LRRC49: variants seen among roughly 807,000 people sequenced by gnomAD.
LRRC49 encodes the protein leucine rich repeat containing 49, also known as leucine-rich repeat-containing protein 49.
Under a neutral mutation model 83.3 loss-of-function variants are expected in LRRC49, and 50 were observed. The ratio of observed to expected loss-of-function variants is 0.60; its 90% CI spans 0.48 to 0.76. The LOEUF is 0.76. Ranked by LOEUF, LRRC49 falls within the 30% of genes least tolerant of loss-of-function variation. The pLI is 0.00. For synonymous variants in LRRC49, 286 were observed against 283.3 expected (o/e 1.01, Z -0.10); for missense variants, 704 against 809.1 (o/e 0.87, Z 1.58).
intron 11 of LRRC49, among the ~76,000 whole-genome samples, chr15:71,005,289 C>A (rs2038418245): frequency 6.6e-6 from 1 of 152,070 alleles, no homozygotes; most frequent in Non-Finnish European, 1.5e-5. Context: ...AAGAATTAGT[C>A]ATTCCTTTCT....
At position 70,893,435 on chromosome 15, in the gene LRRC49, A is replaced by T; in HGVS notation, c.49-149A>T. 4.6e-6 allele frequency: 3 copies of T among 648,520 alleles called. No individual in the cohort carries two copies. The South Asian group carries it at 5.3e-5, about 12-fold the overall frequency. The allele number at this position is 648,520 out of a possible 1,614,324, so 40.2% of individuals were successfully genotyped here. A position where few individuals can be genotyped will look rare whatever the true frequency, so the allele number is the denominator to read the frequency against. On this transcript the variant is annotated intron_variant, in intron 1 of 15. Transcript: ENST00000260382. ...AGATGTGATTTTATTGTTTTCAGCA[A>T]ATCCTCAGAACAAGATCATTTACCA...
chr15:70,918,576 A>T (rs2034882865), intron 6 of LRRC49: 1 of 152,276 alleles, frequency 6.6e-6, no homozygotes, highest in Non-Finnish European at 1.5e-5. Context: ...TTCCATTCAG[A>T]CTCGACTGCT....
chr15:70,980,646 T>G (rs1203291057), intron 10 of LRRC49, among the ~76,000 whole-genome samples: 1 of 152,114 alleles, frequency 6.6e-6, no homozygotes, highest in African/African-American at 2.4e-5. Context: ...TTTGTGGAAC[T>G]TAGGAATGAA....
chr15:71,023,604 A>G (rs1293454823), intron 14 of LRRC49, among the ~76,000 whole-genome samples: 2 of 152,132 alleles, frequency 1.3e-5, no homozygotes, highest in African/African-American at 4.8e-5. Context: ...AGAGCCACAC[A>G]GGGCAAGGGG....
At chr15:71,015,423 C>G (rs1219891789) in intron 14 of LRRC49, among the ~76,000 whole-genome samples, 1 of 152,176 alleles carries the variant, frequency 6.6e-6, no homozygotes, top group East Asian at 1.9e-4. Context: ...CAACCAAGAT[C>G]CCTGGCATGT....
chr15:71,005,353 T>C (rs564005086), intron 11 of LRRC49, among the ~76,000 whole-genome samples: 25 of 152,178 alleles, frequency 1.6e-4, no homozygotes, highest in African/African-American at 4.8e-4. Context: ...ATAAGCACAT[T>C]ATATTATATT....
At chr15:71,025,566 C>T (rs2039139097) in intron 14 of LRRC49, among the ~76,000 whole-genome samples, 1 of 152,122 alleles carries the variant, frequency 6.6e-6, no homozygotes. Context: ...CACAGAATGG[C>T]AAGCTGGATA....
chr15:70,903,604 A>G (rs2034176984), intron 4 of LRRC49, among the ~76,000 whole-genome samples: 1 of 151,962 alleles, frequency 6.6e-6, no homozygotes, highest in African/African-American at 2.4e-5. Flanking sequence ...ACTCTGATAT[A>G]TTTTCTTTAA....
intron 11 of LRRC49, among the ~76,000 whole-genome samples, chr15:71,003,754 G>T (rs1351510373): frequency 6.6e-6 from 1 of 152,154 alleles, no homozygotes; most frequent in Non-Finnish European, 1.5e-5. Flanking sequence ...GAAACTCAAA[G>T]AATTGAATAA....
At chr15:70,882,878 G>T in intron 2 of LRRC49, 1 of 1,613,954 alleles carries the variant, frequency 6.2e-7, no homozygotes, top group East Asian at 2.2e-5. Context: ...GCATGGGGTT[G>T]GGTTTGCACA....
intron 8 of LRRC49, among the ~76,000 whole-genome samples, chr15:70,957,010 A>T (rs1172332507): frequency 6.6e-6 from 1 of 152,156 alleles, no homozygotes; most frequent in Non-Finnish European, 1.5e-5. Flanking sequence ...CAGGTCTTTT[A>T]GATCTCTGAA....
At chr15:71,005,105 A>G (rs2038410453) in intron 11 of LRRC49, among the ~76,000 whole-genome samples, 1 of 152,184 alleles carries the variant, frequency 6.6e-6, no homozygotes, top group African/African-American at 2.4e-5. Context: ...TTTTCCATAC[A>G]AAATAATGTC....
chr15:70,973,177 A>G (rs1168126761), intron 9 of LRRC49, among the ~76,000 whole-genome samples: 1 of 151,968 alleles, frequency 6.6e-6, no homozygotes, highest in Non-Finnish European at 1.5e-5. Flanking sequence ...TTGCGTAGTT[A>G]TCCTTTTTGT....
intron 11 of LRRC49, among the ~76,000 whole-genome samples, chr15:71,003,825 C>A (rs964908732): frequency 6.6e-6 from 1 of 152,124 alleles, no homozygotes; most frequent in Non-Finnish European, 1.5e-5. Flanking sequence ...AAGTCTATCT[C>A]ACTTTCTTGC....
At chr15:70,925,987 T>A (rs1218771903) in intron 7 of LRRC49, among the ~76,000 whole-genome samples, 1 of 152,196 alleles carries the variant, frequency 6.6e-6, no homozygotes, top group Non-Finnish European at 1.5e-5. Context: ...CTGACTTCTA[T>A]CCCTGTGGAT....
At chr15:70,989,626 C>T (rs1368639957) in intron 11 of LRRC49, among the ~76,000 whole-genome samples, 1 of 152,202 alleles carries the variant, frequency 6.6e-6, no homozygotes, top group African/African-American at 2.4e-5. Context: ...CTTCTTCTTT[C>T]AACTCGTCAA....
At chr15:70,972,760 C>T (rs146394386) in intron 9 of LRRC49, among the ~76,000 whole-genome samples, 2,195 of 151,998 alleles carry the variant, frequency 0.014, 50 homozygotes, top group African/African-American at 0.05. Flanking sequence ...ATATCCTTTC[C>T]TCTGCTTGAT....
intron 1 of LRRC49, among the ~76,000 whole-genome samples, chr15:70,870,738 C>A (rs1291702640): frequency 6.6e-6 from 1 of 152,170 alleles, no homozygotes; most frequent in Non-Finnish European, 1.5e-5. Flanking sequence ...GATTTGCCCG[C>A]CTAGGCCGCC....
At chr15:71,006,208 C>G (rs763471641) in intron 11 of LRRC49, among the ~76,000 whole-genome samples, 3 of 152,124 alleles carry the variant, frequency 2.0e-5, no homozygotes, top group Non-Finnish European at 2.9e-5. Context: ...TCACTTATTT[C>G]CTGAAGAGTT....
Sources: allele counts gnomAD v4.1 joint callset (sites outside exome capture counted in the v4.1 genomes callset), GRCh38; gene constraint gnomAD v4.1.1; transcripts MANE v1.5; gene names NCBI Gene and HGNC (gene_info 2026-07-23, HGNC 2026-07-21).